Variants in PTPN4 observed in about 807,000 individuals in gnomAD.
PTPN4 encodes tyrosine-protein phosphatase non-receptor type 4.
A neutral mutation model predicts 135.5 loss-of-function variants in PTPN4; 49 were observed. That is an observed-to-expected ratio of 0.36 (90% confidence interval 0.29 to 0.46). The LOEUF (loss-of-function observed/expected upper bound fraction) is 0.46. Among genes scored for constraint, PTPN4 ranks in the 20% least tolerant of loss-of-function variants. The pLI, the probability that PTPN4 is intolerant of heterozygous loss-of-function variation, is 1.00. For synonymous variants in PTPN4, 333 were observed against 369.9 expected (o/e 0.90, Z 1.14); for missense variants, 860 against 1,101.0 (o/e 0.78, Z 3.10).
intron 15 of PTPN4, among the ~76,000 whole-genome samples, chr2:119,942,221 A>G (rs1437102176): frequency 6.6e-6 from 1 of 152,190 alleles, no homozygotes; most frequent in Non-Finnish European, 1.5e-5. Flanking sequence ...TAGAGATTCA[A>G]CAGTTTTAGC....
rs143140553 is a variant in PTPN4, at chr2:119,829,113, G to A, written c.138+19122G>A. Among the ~76,000 whole-genome samples the A allele has an allele frequency of 3.4e-4, 51 of 152,148 alleles. No individual in the cohort carries two copies. The East Asian group carries it at 9.8e-3, about 29-fold the overall frequency. ...CCAATTCTTATCTCACTCTTTCTGT[G>A]GTTTGTCAGTGATTTTTGTTTCTCA... On this transcript the variant is annotated intron_variant, in intron 2 of 26. Coordinates refer to ENST00000263708, the MANE Select transcript of PTPN4 (RefSeq NM_002830.4).
chr2:119,950,723 T>C (rs1048343744), intron 18 of PTPN4, among the ~76,000 whole-genome samples: 1 of 152,240 alleles, frequency 6.6e-6, no homozygotes, highest in Admixed American at 6.5e-5. Flanking sequence ...CACTCTCATA[T>C]GTTTTCATTG....
At position 119,980,089 on chromosome 2, in the gene PTPN4, G is replaced by A. The variant is rs1679669691; in HGVS notation, c.*3019G>A. ...CCTAAGAAATGATTTCCTTTCTACA[G>A]TCTGCTAGGAGAAAGAGGTGAGAGG... On this transcript the variant is annotated 3_prime_UTR_variant, in exon 27 of 27. Coordinates refer to ENST00000263708, the MANE Select transcript of PTPN4 (RefSeq NM_002830.4). The A allele has an allele frequency of 6.6e-6, 1 of 152,082 alleles. No homozygotes were observed. The highest frequency in any genetic ancestry group is 6.5e-5 in the Admixed American group (1 of 15,270). The allele number at this position is 152,082 out of a possible 1,614,324, so 9.4% of individuals were successfully genotyped here. A position where few individuals can be genotyped will look rare whatever the true frequency, so the allele number is the denominator to read the frequency against.
At chr2:119,878,104 TTG>T (rs905449008) in intron 5 of PTPN4, among the ~76,000 whole-genome samples, 17 of 152,196 alleles carry the variant, frequency 1.1e-4, no homozygotes, top group Admixed American at 1.1e-3. Context: ...ACATGCCCAC[TTG>T]ACTCTCCATT....
intron 9 of PTPN4, among the ~76,000 whole-genome samples, chr2:119,899,419 G>A (rs571278319): frequency 1.1e-3 from 175 of 152,174 alleles, no homozygotes; most frequent in African/African-American, 4.0e-3. Context: ...TCTTTCCTAC[G>A]TAGTTTGGGC....
intron 7 of PTPN4, 104 bp downstream of exon 7, chr2:119,882,253 A>G: frequency 8.2e-7 from 1 of 1,220,648 alleles, no homozygotes; most frequent in Non-Finnish European, 1.2e-6. Context: ...TGCTATATAG[A>G]AAATAGTGAC....
chr2:119,765,877 T>G (rs543379527), intron 1 of PTPN4, among the ~76,000 whole-genome samples: 15 of 151,742 alleles, frequency 9.9e-5, no homozygotes, highest in Admixed American at 7.2e-4. Flanking sequence ...TCTGTCTCTG[T>G]CTGGGTGGGT....
chr2:119,784,384 ATTTTTT>A (rs35755705), intron 1 of PTPN4, among the ~76,000 whole-genome samples: 2 of 107,972 alleles, frequency 1.9e-5, no homozygotes, highest in Non-Finnish European at 3.6e-5. Flanking sequence ...TGCCCACCTA[ATTTTTT>A]TTTTTTTTTT....
intron 19 of PTPN4, 23 bp downstream of exon 19, chr2:119,952,152 G>C: frequency 1.3e-6 from 2 of 1,589,728 alleles, no homozygotes; most frequent in Non-Finnish European, 1.7e-6. Flanking sequence ...TGTAGTACCA[G>C]ATAATTTATA....
At chr2:119,895,998 G>A (rs1163396165) in intron 9 of PTPN4, among the ~76,000 whole-genome samples, 1 of 151,540 alleles carries the variant, frequency 6.6e-6, no homozygotes, top group Non-Finnish European at 1.5e-5. Flanking sequence ...TGCAGAAAAT[G>A]TTAGAACATC....
At chr2:119,971,006 C>T (rs949137343) in intron 26 of PTPN4, among the ~76,000 whole-genome samples, 3 of 152,192 alleles carry the variant, frequency 2.0e-5, no homozygotes, top group African/African-American at 4.8e-5. Flanking sequence ...AGTAGTATCT[C>T]ACTGTGAATT....
At chr2:119,956,237 ATTTT>A (rs10627020) in intron 20 of PTPN4, among the ~76,000 whole-genome samples, 58 of 101,064 alleles carry the variant, frequency 5.7e-4, no homozygotes, top group Middle Eastern at 7.8e-3. Flanking sequence ...ATAAACCTGA[ATTTT>A]TTTTTTTTTT....
intron 15 of PTPN4, among the ~76,000 whole-genome samples, chr2:119,941,169 A>G (rs576919815): frequency 7.9e-5 from 12 of 152,304 alleles, no homozygotes; most frequent in Non-Finnish European, 1.5e-4. Context: ...ATTATTTTTA[A>G]TGTATCATTT....
chr2:119,828,565 CA>C (rs1301234362), intron 2 of PTPN4, among the ~76,000 whole-genome samples: 1 of 152,110 alleles, frequency 6.6e-6, no homozygotes, highest in Non-Finnish European at 1.5e-5. Context: ...TTCTGTTGGG[CA>C]ATTATCTAAG....
chr2:119,789,870 A>G (rs1026138106), intron 1 of PTPN4, among the ~76,000 whole-genome samples: 11 of 151,920 alleles, frequency 7.2e-5, no homozygotes, highest in African/African-American at 2.4e-4. Context: ...TTACAGGTGC[A>G]TACCACCATG....
At chr2:119,931,349 A>G (rs774047209) in intron 13 of PTPN4, among the ~76,000 whole-genome samples, 16 of 151,912 alleles carry the variant, frequency 1.1e-4, no homozygotes, top group Non-Finnish European at 2.2e-4. Context: ...AACATTCCTA[A>G]AATTCTAAGG....
At chr2:119,898,376 C>G (rs1224657460) in intron 9 of PTPN4, among the ~76,000 whole-genome samples, 2 of 152,020 alleles carry the variant, frequency 1.3e-5, no homozygotes, top group Non-Finnish European at 2.9e-5. Flanking sequence ...ATAAAAATGG[C>G]CTGGCTAGAG....
chr2:119,881,995 C>A, intron 6 of PTPN4, 102 bp from the exon 7 acceptor site: 2 of 1,199,010 alleles, frequency 1.7e-6, no homozygotes, highest in South Asian at 1.3e-5. Flanking sequence ...CAGTTAAAAT[C>A]AAATCACATG....
chr2:119,859,906 C>T (rs147792713), intron 2 of PTPN4, among the ~76,000 whole-genome samples: 18 of 152,166 alleles, frequency 1.2e-4, no homozygotes, highest in Non-Finnish European at 2.5e-4. Flanking sequence ...GGTTTCTGTC[C>T]TACCACGTAC....
Sources: gnomAD v4.1 joint callset for allele counts (sites outside exome capture counted in the v4.1 genomes callset) on GRCh38, gnomAD v4.1.1 for gene constraint, MANE v1.5 for transcripts, NCBI Gene and HGNC (gene_info 2026-07-23, HGNC 2026-07-21) for gene names.